The following RAP1GDS1 variants were observed in gnomAD, a reference collection of about 807,000 sequenced individuals.
RAP1GDS1 encodes the protein Rap1 GTPase-GDP dissociation stimulator 1.
RAP1GDS1 carries 35 observed loss-of-function variants against 71.1 expected under a neutral mutation model. The observed-to-expected ratio is 0.49, with a 90% CI of 0.38 to 0.65. The LOEUF is 0.65. Among genes scored for constraint, RAP1GDS1 ranks in the 30% least tolerant of loss-of-function variants. The pLI is 0.00. For synonymous variants in RAP1GDS1, 229 were observed against 243.1 expected (o/e 0.94, Z 0.54); for missense variants, 663 against 706.1 (o/e 0.94, Z 0.69).
At chr4:98,372,510 C>G (rs1740540059) in intron 4 of RAP1GDS1, among the ~76,000 whole-genome samples, 1 of 152,062 alleles carries the variant, frequency 6.6e-6, no homozygotes, top group Non-Finnish European at 1.5e-5. Context: ...TTAGTGGTTG[C>G]CCTGTGGCTT....
Position 98,261,551 on chromosome 4 carries a change from C to T in RAP1GDS1, c.-15C>T. 1 of 1,601,590 alleles carries T rather than the reference C, an allele frequency of 6.2e-7. No individual in the cohort carries two copies. ...TTCGCCTCGCCCCGCCGGTTCCTCACCCTCGGGGAGCAACATGGGTAAGTC... is the reference window on the plus strand; with the variant it reads ...TTCGCCTCGCCCCGCCGGTTCCTCATCCTCGGGGAGCAACATGGGTAAGTC... On this transcript the variant is annotated 5_prime_UTR_variant, in exon 1 of 15. Coordinates refer to ENST00000408927, the MANE Select transcript of RAP1GDS1 (RefSeq NM_001100427.2).
chr4:98,294,279 A>G (rs1390235740), intron 2 of RAP1GDS1, among the ~76,000 whole-genome samples: 1 of 152,036 alleles, frequency 6.6e-6, no homozygotes, highest in Non-Finnish European at 1.5e-5. Flanking sequence ...CTAATTATGT[A>G]GCTGACAAAG....
At chr4:98,412,958 C>T (rs1179806504) in intron 7 of RAP1GDS1, among the ~76,000 whole-genome samples, 1 of 152,126 alleles carries the variant, frequency 6.6e-6, no homozygotes, top group Admixed American at 6.6e-5. Context: ...ATTAGAATTA[C>T]TGATGAGGGT....
intron 1 of RAP1GDS1, among the ~76,000 whole-genome samples, chr4:98,278,708 A>G (rs1724593529): frequency 6.6e-6 from 1 of 152,180 alleles, no homozygotes; most frequent in South Asian, 2.1e-4. Context: ...ATTAAGAACC[A>G]CAGAATAGAT....
intron 1 of RAP1GDS1, among the ~76,000 whole-genome samples, chr4:98,279,854 C>T (rs559601277): frequency 6.6e-5 from 10 of 152,180 alleles, no homozygotes; most frequent in African/African-American, 1.4e-4. Flanking sequence ...TGAGAACTTG[C>T]GGTGTTTGGT....
At chr4:98,284,639 C>T (rs1222924846) in intron 1 of RAP1GDS1, among the ~76,000 whole-genome samples, 1 of 152,112 alleles carries the variant, frequency 6.6e-6, no homozygotes, top group East Asian at 1.9e-4. Context: ...TGAATCTGAG[C>T]ACACTTATGT....
intron 2 of RAP1GDS1, among the ~76,000 whole-genome samples, chr4:98,311,006 G>A (rs532547673): frequency 9.2e-5 from 14 of 152,218 alleles, no homozygotes; most frequent in African/African-American, 2.2e-4. Flanking sequence ...TTGTTAAATC[G>A]TAAATACTTA....
intron 3 of RAP1GDS1, among the ~76,000 whole-genome samples, chr4:98,348,020 G>C (rs903048393): frequency 1.3e-5 from 2 of 151,992 alleles, no homozygotes; most frequent in Admixed American, 1.3e-4. Flanking sequence ...CAACGTGCAG[G>C]TTTGTTACAT....
At chr4:98,349,680 C>G (rs945362950) in intron 3 of RAP1GDS1, among the ~76,000 whole-genome samples, 1 of 152,192 alleles carries the variant, frequency 6.6e-6, no homozygotes, top group Non-Finnish European at 1.5e-5. Context: ...AGAGGTCATT[C>G]ACATCCCTTG....
In RAP1GDS1 at chr4:98,301,241, T is replaced by A. The variant is rs190985667; in HGVS notation, c.112+7726T>A. Among the ~76,000 whole-genome samples the A allele has an allele frequency of 2.6e-5, 4 of 152,270 alleles. No individual in the cohort carries two copies. The East Asian group carries it at 7.7e-4, about 29-fold the overall frequency. Reference sequence around the variant, plus strand: ...TATTGTATACCTCTTTTAGTGATTGTGTTCATTGTCCATGAGGGCTTAGCA... The same window carrying A: ...TATTGTATACCTCTTTTAGTGATTGAGTTCATTGTCCATGAGGGCTTAGCA... On this transcript the variant is annotated intron_variant, in intron 2 of 14. Transcript: ENST00000408927.
rs1751986690 is a variant in RAP1GDS1, at chr4:98,442,303, CTT to C, written c.*188_*189del. 1 of 788,424 alleles carries C rather than the reference CTT, an allele frequency of 1.3e-6. No homozygotes were observed. Among genetic ancestry groups the C allele is most frequent in the Non-Finnish European group, 1.8e-6 (1 of 545,090 alleles). 48.8% of individuals were successfully genotyped at this position (788,424 alleles called of 1,614,324 possible). A position where few individuals can be genotyped will look rare whatever the true frequency, so the allele number is the denominator to read the frequency against. ...AAACCTATAGTTAGTGTGATCATGA[CTT>C]TGTCAAAGGCAAGTCTCCACCCATA... is the stretch of plus-strand genomic sequence containing the variant. On this transcript the variant is annotated 3_prime_UTR_variant, in exon 15 of 15. Coordinates refer to ENST00000408927, the MANE Select transcript of RAP1GDS1 (RefSeq NM_001100427.2).
intron 14 of RAP1GDS1, among the ~76,000 whole-genome samples, chr4:98,440,205 A>G (rs1007772889): frequency 6.6e-6 from 1 of 152,228 alleles, no homozygotes; most frequent in African/African-American, 2.4e-5. Context: ...ATATGTATAT[A>G]TCACATTTTG....
At chr4:98,299,256 C>T (rs1728224876) in intron 2 of RAP1GDS1, among the ~76,000 whole-genome samples, 1 of 152,174 alleles carries the variant, frequency 6.6e-6, no homozygotes, top group African/African-American at 2.4e-5. Flanking sequence ...TTTATGTCTG[C>T]ATAGTATTCT....
At chr4:98,275,897 G>A (rs1181383345) in intron 1 of RAP1GDS1, among the ~76,000 whole-genome samples, 5 of 151,882 alleles carry the variant, frequency 3.3e-5, no homozygotes, top group Non-Finnish European at 7.4e-5. Context: ...ACCTCTTCTT[G>A]AGACTACACT....
At chr4:98,392,713 G>C (rs1441680143) in intron 6 of RAP1GDS1, among the ~76,000 whole-genome samples, 1 of 152,016 alleles carries the variant, frequency 6.6e-6, no homozygotes, top group South Asian at 2.1e-4. Context: ...GAAAAAAAAA[G>C]AAATTTATTA....
At chr4:98,285,188 A>G (rs775528098) in intron 1 of RAP1GDS1, among the ~76,000 whole-genome samples, 1 of 152,218 alleles carries the variant, frequency 6.6e-6, no homozygotes, top group Non-Finnish European at 1.5e-5. Flanking sequence ...AAATTCATCA[A>G]AGTAGGAACT....
At chr4:98,283,453 G>T (rs558377972) in intron 1 of RAP1GDS1, among the ~76,000 whole-genome samples, 9 of 152,102 alleles carry the variant, frequency 5.9e-5, no homozygotes, top group African/African-American at 1.7e-4. Context: ...ACCATATTAG[G>T]CATTATAAAC....
intron 4 of RAP1GDS1, among the ~76,000 whole-genome samples, chr4:98,367,158 T>C (rs1739616712): frequency 1.3e-5 from 2 of 152,152 alleles, no homozygotes; most frequent in Non-Finnish European, 2.9e-5. Flanking sequence ...AACTTAGTAC[T>C]CTGCCTTCCA....
At chr4:98,314,537 G>A (rs1261245243) in intron 2 of RAP1GDS1, among the ~76,000 whole-genome samples, 1 of 152,094 alleles carries the variant, frequency 6.6e-6, no homozygotes, top group Admixed American at 6.5e-5. Context: ...CATCCCTCCA[G>A]TTGAACTTAT....
Sources: allele counts gnomAD v4.1 joint callset (sites outside exome capture counted in the v4.1 genomes callset), GRCh38; gene constraint gnomAD v4.1.1; transcripts MANE v1.5; gene names NCBI Gene and HGNC (gene_info 2026-07-23, HGNC 2026-07-21).